HMGA2: variants seen among roughly 807,000 people sequenced by gnomAD.
The protein encoded by HMGA2 is high mobility group AT-hook 2, also known as high mobility group protein HMGI-C.
HMGA2 carries 8 observed loss-of-function variants against 19.1 expected under a neutral mutation model. That is an observed-to-expected ratio of 0.42 (90% CI 0.25 to 0.76). HMGA2 has a LOEUF of 0.76. Among genes scored for constraint, HMGA2 ranks in the 30% least tolerant of loss-of-function variants. The pLI is 0.28. For missense variants in HMGA2, 109 were observed against 136.3 expected, an observed-to-expected ratio of 0.80 and a Z score of 1.00; for synonymous variants, 60 against 48.8, an observed-to-expected ratio of 1.23 and a Z score of -0.96.
rs527476360 is a variant in HMGA2 at position 65,915,424 on chromosome 12, T to C, written c.250-35959T>C. 1,149 of 1,271,396 alleles carry C rather than the reference T, an allele frequency of 9.0e-4. 20 individuals carry two copies. The South Asian group carries it at 0.018, about 19-fold the overall frequency. 78.8% of individuals were successfully genotyped at this position (1,271,396 alleles called of 1,614,324 possible). Reference sequence around the variant, plus strand: ...CGGGGACAGCTTAGAGAGTAGAGGGTGGGCTGAACTCCAGTTACTCTCGTA... The same window carrying C: ...CGGGGACAGCTTAGAGAGTAGAGGGCGGGCTGAACTCCAGTTACTCTCGTA... On this transcript the variant is annotated intron_variant, in intron 3 of 4. Transcript: ENST00000403681.
chr12:65,885,523 T>A (rs1223859928), intron 3 of HMGA2, among the ~76,000 whole-genome samples: 1 of 152,242 alleles, frequency 6.6e-6, no homozygotes, highest in Non-Finnish European at 1.5e-5. Flanking sequence ...ATTTGCCACA[T>A]GAGCCAATGT....
chr12:65,870,241 A>C lies in HMGA2; in HGVS notation c.249+31672A>C, dbSNP rs141579024. Among the ~76,000 whole-genome samples the C allele has an allele frequency of 2.0e-4, 30 of 152,346 alleles. No individual in the cohort carries two copies. The East Asian group carries it at 5.6e-3, about 28-fold the overall frequency. On this transcript the variant is annotated intron_variant, in intron 3 of 4. Coordinates refer to ENST00000403681, the MANE Select transcript of HMGA2 (RefSeq NM_003483.6). ...TGTCAGGTGTTAGGCTGAGCACATT[A>C]TGAACATTGTCTTGATTTATTATTT...
intron 3 of HMGA2, among the ~76,000 whole-genome samples, chr12:65,877,401 G>A (rs549273355): frequency 6.6e-6 from 1 of 152,274 alleles, no homozygotes; most frequent in Non-Finnish European, 1.5e-5. Flanking sequence ...AGAGGCCTTA[G>A]GAGGGGTCAA....
intron 2 of HMGA2, among the ~76,000 whole-genome samples, chr12:65,835,104 G>C (rs1445497341): frequency 6.6e-6 from 1 of 152,128 alleles, no homozygotes; most frequent in Non-Finnish European, 1.5e-5. Context: ...TTATGCCTCT[G>C]TTATACATGG....
chr12:65,890,710 C>T lies in HMGA2; in HGVS notation c.249+52141C>T, dbSNP rs546687141. The stretch of plus-strand genomic sequence containing the variant: ...GCTGAGATTGAGAGGACTATTTTAC[C>T]GCTTCTTCAGTATATTCTTTTTTTT... On this transcript the variant is annotated intron_variant, in intron 3 of 4. Transcript: ENST00000403681. 1.6e-4 allele frequency among the ~76,000 whole-genome samples: 24 copies of T among 151,436 alleles called. 1 individual carries two copies. In the South Asian group the frequency reaches 4.2e-3, roughly 27 times the overall value.
chr12:65,858,534 A>G (rs1871866656), intron 3 of HMGA2: 1 of 152,214 alleles, frequency 6.6e-6, no homozygotes, highest in Non-Finnish European at 1.5e-5. Flanking sequence ...GAAATGAAAA[A>G]TTAAAAAAAC....
intron 3 of HMGA2, among the ~76,000 whole-genome samples, chr12:65,937,123 A>C (rs1040006921): frequency 2.0e-5 from 3 of 152,218 alleles, no homozygotes; most frequent in Admixed American, 6.5e-5. Context: ...TTTTATTTAA[A>C]AAAATTAATT....
intron 3 of HMGA2, among the ~76,000 whole-genome samples, chr12:65,848,816 A>C (rs1182268377): frequency 6.6e-6 from 1 of 152,106 alleles, no homozygotes; most frequent in East Asian, 1.9e-4. Flanking sequence ...AGATTGCGCC[A>C]CTGCAGTCCG....
intron 3 of HMGA2, among the ~76,000 whole-genome samples, chr12:65,925,954 A>T (rs1875489759): frequency 6.6e-6 from 1 of 152,308 alleles, no homozygotes; most frequent in Non-Finnish European, 1.5e-5. Context: ...TTCCTTTGAG[A>T]GGGGGTATAT....
intron 3 of HMGA2, among the ~76,000 whole-genome samples, chr12:65,884,240 C>T (rs2121110654): frequency 6.6e-6 from 1 of 152,274 alleles, no homozygotes; most frequent in African/African-American, 2.4e-5. Flanking sequence ...AAATCCAAAA[C>T]TTTTTGAGCA....
intron 3 of HMGA2, among the ~76,000 whole-genome samples, chr12:65,839,087 T>C (rs1286906542): frequency 6.6e-6 from 1 of 151,186 alleles, no homozygotes; most frequent in African/African-American, 2.5e-5. Flanking sequence ...ATGGCTTTGT[T>C]AGGAAGCAAG....
At chr12:65,900,731 C>T (rs529529335) in intron 3 of HMGA2, among the ~76,000 whole-genome samples, 1 of 152,310 alleles carries the variant, frequency 6.6e-6, no homozygotes, top group South Asian at 2.1e-4. Flanking sequence ...TTACTGAACA[C>T]TCACTCAATT....
At chr12:65,923,785 G>A (rs185291470) in intron 3 of HMGA2, among the ~76,000 whole-genome samples, 1 of 152,238 alleles carries the variant, frequency 6.6e-6, no homozygotes, top group East Asian at 1.9e-4. Flanking sequence ...AGAGGCGAGT[G>A]GATCACCTGG....
chr12:65,865,827 A>G (rs2121006406), intron 3 of HMGA2, among the ~76,000 whole-genome samples: 1 of 151,484 alleles, frequency 6.6e-6, no homozygotes, highest in East Asian at 1.9e-4. Flanking sequence ...TATTTTTAGT[A>G]GAAACGGGGT....
chr12:65,852,506 AAATAAT>A lies in HMGA2; in HGVS notation c.249+13950_249+13955del, dbSNP rs976864723. 7.9e-5 allele frequency among the ~76,000 whole-genome samples: 12 copies of A among 152,188 alleles called. 3 individuals carry two copies. Among genetic ancestry groups the A allele is most frequent in the Admixed American group, 5.2e-4 (8 of 15,276 alleles). On this transcript the variant is annotated intron_variant, in intron 3 of 4. Transcript: ENST00000403681. The stretch of plus-strand genomic sequence containing the variant: ...TGACAGAGCGAGACTCTGTTTCAAA[AAATAAT>A]AATAATAATAATTAAAATTTCATAT...
chr12:65,888,441 T>A (rs1873751997), intron 3 of HMGA2, among the ~76,000 whole-genome samples: 1 of 148,936 alleles, frequency 6.7e-6, no homozygotes, highest in African/African-American at 2.5e-5. Context: ...GGCGGCAGAG[T>A]GAGACTCAGT....
intron 3 of HMGA2, chr12:65,881,764 T>G (rs1351045327): frequency 1.4e-6 from 1 of 703,030 alleles, no homozygotes; most frequent in Non-Finnish European, 2.6e-6. Context: ...GAAGAGCCCG[T>G]GCTGGTGAAG....
chr12:65,882,376 C>A (rs1364766233), intron 3 of HMGA2, among the ~76,000 whole-genome samples: 1 of 152,200 alleles, frequency 6.6e-6, no homozygotes, highest in Non-Finnish European at 1.5e-5. Context: ...AGGGAGGCCC[C>A]AGCCACAGCA....
chr12:65,828,397 C>G (rs1421586081), intron 2 of HMGA2: 1 of 343,666 alleles, frequency 2.9e-6, no homozygotes, highest in Non-Finnish European at 5.5e-6. Context: ...GAAAATGACA[C>G]AATTAATATT....
Sources: allele counts gnomAD v4.1 joint callset (sites outside exome capture counted in the v4.1 genomes callset), GRCh38; gene constraint gnomAD v4.1.1; transcripts MANE v1.5; gene names NCBI Gene and HGNC (gene_info 2026-07-23, HGNC 2026-07-21).